Variants in COLEC10 observed in about 807,000 individuals in gnomAD.
The protein encoded by COLEC10 is collectin subfamily member 10, also known as collectin-10.
In COLEC10, 22 loss-of-function variants were observed where a neutral mutation model predicts 28.4. That is an observed-to-expected ratio of 0.78 (90% CI 0.55 to 1.11). COLEC10 has a LOEUF of 1.11. Among genes scored for constraint, COLEC10 ranks in the 50% least tolerant of loss-of-function variants. The probability of loss-of-function intolerance (pLI) is 0.00; values close to 1 mark genes in which losing one functional copy is unlikely to be tolerated. For missense variants in COLEC10, 361 were observed against 344.1 expected, an observed-to-expected ratio of 1.05 and a Z score of -0.39; for synonymous variants, 125 against 116.1, an observed-to-expected ratio of 1.08 and a Z score of -0.49.
chr8:119,033,945 T>C (rs547580114), intron 2 of COLEC10, among the ~76,000 whole-genome samples: 2 of 152,334 alleles, frequency 1.3e-5, no homozygotes, highest in East Asian at 1.9e-4. Flanking sequence ...TGCACATGTA[T>C]GTTTATTGCA....
At chr8:118,952,976 C>T in the COLEC10 span, among the ~76,000 whole-genome samples, 2 of 152,142 alleles carry the variant, frequency 1.3e-5, no homozygotes, top group Non-Finnish European at 2.9e-5. Flanking sequence ...GCCAAGTGTT[C>T]AAGTTATATG....
chr8:119,052,747 T>C (rs1313617095), intron 2 of COLEC10, among the ~76,000 whole-genome samples: 2 of 152,180 alleles, frequency 1.3e-5, no homozygotes, highest in African/African-American at 4.8e-5. Context: ...TATTACATTC[T>C]AACTGAAAGA....
chr8:119,051,468 A>G (rs1814671867), intron 2 of COLEC10, among the ~76,000 whole-genome samples: 1 of 152,172 alleles, frequency 6.6e-6, no homozygotes, highest in South Asian at 2.1e-4. Context: ...AATGTTACCA[A>G]TGTTTAAACA....
At chr8:119,027,628 A>G (rs1179805405) in intron 2 of COLEC10, among the ~76,000 whole-genome samples, 1 of 152,124 alleles carries the variant, frequency 6.6e-6, no homozygotes, top group Non-Finnish European at 1.5e-5. Context: ...AGCAACAGCT[A>G]ATTATTTTGA....
intron 2 of COLEC10, among the ~76,000 whole-genome samples, chr8:119,023,185 T>C (rs1250775686): frequency 2.6e-5 from 4 of 152,192 alleles, no homozygotes; most frequent in Non-Finnish European, 5.9e-5. Flanking sequence ...TGCTTGTCTA[T>C]TCTTTTCTGT....
At chr8:119,081,582 G>C (rs1290729366) in intron 1 of COLEC10, among the ~76,000 whole-genome samples, 1 of 151,978 alleles carries the variant, frequency 6.6e-6, no homozygotes, top group Non-Finnish European at 1.5e-5. Context: ...AATGTTTTTC[G>C]ATGGAGGCAG....
chr8:119,103,646 C>T (rs1284353824), intron 4 of COLEC10, among the ~76,000 whole-genome samples, 154 bp from the exon 5 acceptor site: 2 of 152,022 alleles, frequency 1.3e-5, no homozygotes, highest in Non-Finnish European at 2.9e-5. Flanking sequence ...AAATTGGAAA[C>T]CTTATTTTAA....
At chr8:119,094,124 G>A (rs1815664367) in intron 3 of COLEC10, among the ~76,000 whole-genome samples, 1 of 152,090 alleles carries the variant, frequency 6.6e-6, no homozygotes, top group South Asian at 2.1e-4. Flanking sequence ...CCAAAGCCAG[G>A]ATGCAAAAGT....
At chr8:119,049,401 C>CTATTTTTTTTTTT (rs1814636664) in intron 2 of COLEC10, among the ~76,000 whole-genome samples, 1 of 60,080 alleles carries the variant, frequency 1.7e-5, no homozygotes, top group African/African-American at 7.3e-5. Context: ...ATTTTCTTTT[C>CTATTTTTTTTTTT]TTTTTTTTTT....
intron 2 of COLEC10, among the ~76,000 whole-genome samples, chr8:119,059,308 T>C (rs1460848902): frequency 6.6e-6 from 1 of 152,088 alleles, no homozygotes. Flanking sequence ...TCTTCTCTTA[T>C]GTTTTTTTCA....
At chr8:119,102,225 TCCCTCCC>T (rs1815844664) in intron 3 of COLEC10, 116 bp from the exon 4 acceptor site, 2 of 170,320 alleles carry the variant, frequency 1.2e-5, no homozygotes, top group African/African-American at 6.4e-5. Flanking sequence ...CCTCCCTCCC[TCCCTCCC>T]TCCCTCCCTC....
At chr8:119,069,854 A>G (rs1815067760) in intron 1 of COLEC10, among the ~76,000 whole-genome samples, 1 of 151,692 alleles carries the variant, frequency 6.6e-6, no homozygotes, top group Non-Finnish European at 1.5e-5. Context: ...AGCTAGTCTT[A>G]ATACTTTTCT....
At chr8:119,056,700 A>C (rs1814767950) in intron 2 of COLEC10, among the ~76,000 whole-genome samples, 1 of 152,006 alleles carries the variant, frequency 6.6e-6, no homozygotes, top group African/African-American at 2.4e-5. Context: ...CTATTACATG[A>C]AGCCAATGAA....
the COLEC10 span, among the ~76,000 whole-genome samples, chr8:118,974,924 A>C: frequency 1.3e-5 from 2 of 152,010 alleles, no homozygotes; most frequent in Non-Finnish European, 2.9e-5. Flanking sequence ...AAAGGGAGAC[A>C]TTTATGTGGC....
At chr8:119,069,629 AATATATATATATAT>A (rs1207445435) in intron 1 of COLEC10, among the ~76,000 whole-genome samples, 510 of 42,790 alleles carry the variant, frequency 0.012, 18 homozygotes, top group African/African-American at 0.027. Flanking sequence ...AAAAAAAAAA[AATATATATATATAT>A]ATATATATAT....
rs116835812 is a variant in COLEC10, at chr8:119,089,747, G to T, written c.216G>T (p.Pro72=). Residue 72 remains proline, a synonymous_variant, in exon 2 of 6, where the codon CCG becomes CCT. Transcript: ENST00000332843. ...ATGGCAAAGTGGGACGCATGGGGCC[G>T]AAAGGTAACTAAAATGATGTGAAAC... ...GKHGKVGRMG[P]KGIKGELGDM... 1.2e-6 allele frequency: 2 copies of T among 1,612,104 alleles called. No homozygotes were observed. The highest frequency in any genetic ancestry group is 1.7e-6 in the Non-Finnish European group (2 of 1,178,374).
At chr8:119,075,797 A>G (rs79249068) in intron 1 of COLEC10, among the ~76,000 whole-genome samples, 1 of 151,810 alleles carries the variant, frequency 6.6e-6, no homozygotes, top group Non-Finnish European at 1.5e-5. Flanking sequence ...CTCCCTAACT[A>G]TGAAGAGAGG....
At chr8:119,086,391 G>C (rs1018487728) in intron 1 of COLEC10, among the ~76,000 whole-genome samples, 1 of 151,986 alleles carries the variant, frequency 6.6e-6, no homozygotes, top group African/African-American at 2.4e-5. Flanking sequence ...CGGGGAGGTG[G>C]GGGGGGTCCC....
At chr8:119,003,858 G>A (rs571225060) in intron 1 of COLEC10, among the ~76,000 whole-genome samples, 1 of 152,104 alleles carries the variant, frequency 6.6e-6, no homozygotes, top group African/African-American at 2.4e-5. Context: ...AGTTGATAAG[G>A]TCCAGAGAAA....
Sources: gnomAD v4.1 joint callset for allele counts (sites outside exome capture counted in the v4.1 genomes callset) on GRCh38, gnomAD v4.1.1 for gene constraint, MANE v1.5 for transcripts, NCBI Gene and HGNC (gene_info 2026-07-23, HGNC 2026-07-21) for gene names.